Variants in GUCY1A2 observed in about 807,000 individuals in gnomAD.
GUCY1A2 encodes guanylate cyclase 1 soluble subunit alpha 2, also known as guanylate cyclase soluble subunit alpha-2.
GUCY1A2 carries 27 observed loss-of-function variants against 63.5 expected under a neutral mutation model. The observed-to-expected ratio is 0.43, with a 90% CI of 0.31 to 0.59. The LOEUF (loss-of-function observed/expected upper bound fraction) is 0.59, where lower values mean the gene tolerates loss of function less well. Ranked by LOEUF, GUCY1A2 falls within the 20% of genes least tolerant of loss-of-function variation. The pLI is 0.11. For synonymous variants in GUCY1A2, 364 were observed against 343.5 expected, an observed-to-expected ratio of 1.06 and a Z score of -0.66; for missense variants, 768 against 913.3, an observed-to-expected ratio of 0.84 and a Z score of 2.05.
chr11:107,004,879 C>T (rs1206962452), intron 1 of GUCY1A2, among the ~76,000 whole-genome samples: 1 of 152,116 alleles, frequency 6.6e-6, no homozygotes, highest in Non-Finnish European at 1.5e-5. Flanking sequence ...CAAAATGATG[C>T]TTGCTTAGCA....
rs149260304 is a variant in GUCY1A2, at chr11:106,860,870, A to C, written c.1207-50392T>G. Among the ~76,000 whole-genome samples the C allele has an allele frequency of 6.1e-3, 929 of 152,140 alleles. 3 individuals carry two copies. The highest frequency in any genetic ancestry group is 0.021 in the African/African-American group (862 of 41,536). On this transcript the variant is annotated intron_variant, in intron 4 of 7. Coordinates refer to ENST00000526355, the MANE Select transcript of GUCY1A2 (RefSeq NM_000855.3). ...ATGCAATGCCATCATAAATAGCTAA[A>C]GAATACCCATCCCAACCCTCATTTC...
chr11:106,753,773 T>C (rs1332517290), intron 6 of GUCY1A2, among the ~76,000 whole-genome samples: 1 of 152,200 alleles, frequency 6.6e-6, no homozygotes, highest in African/African-American at 2.4e-5. Context: ...TAGTATAGTT[T>C]GAAGTCAGGT....
chr11:106,813,372 T>C (rs1858789783), intron 4 of GUCY1A2, among the ~76,000 whole-genome samples: 1 of 151,980 alleles, frequency 6.6e-6, no homozygotes, highest in South Asian at 2.1e-4. Context: ...TTCATTTTAC[T>C]TTTATGCTGG....
At chr11:106,764,582 A>G (rs1864125243) in intron 6 of GUCY1A2, among the ~76,000 whole-genome samples, 1 of 152,156 alleles carries the variant, frequency 6.6e-6, no homozygotes, top group African/African-American at 2.4e-5. Flanking sequence ...CAAATATGAA[A>G]ATATGCCTAA....
At chr11:106,774,679 A>G (rs369541112) in intron 6 of GUCY1A2, among the ~76,000 whole-genome samples, 14 of 149,638 alleles carry the variant, frequency 9.4e-5, no homozygotes, top group African/African-American at 3.4e-4. Flanking sequence ...ACATCTTTCC[A>G]CTCTCTCCGC....
chr11:107,011,168 A>G (rs752845685), intron 1 of GUCY1A2, among the ~76,000 whole-genome samples: 3 of 152,220 alleles, frequency 2.0e-5, no homozygotes, highest in African/African-American at 7.2e-5. Context: ...AAGCCTGCTC[A>G]ATAGATAGCC....
intron 4 of GUCY1A2, among the ~76,000 whole-genome samples, chr11:106,925,925 G>T (rs1342920462): frequency 6.6e-6 from 1 of 152,142 alleles, no homozygotes; most frequent in East Asian, 1.9e-4. Flanking sequence ...CATTCGTTCT[G>T]GTGATAGCAA....
intron 1 of GUCY1A2, among the ~76,000 whole-genome samples, chr11:106,997,611 T>C (rs1277595229): frequency 9.7e-6 from 1 of 102,624 alleles, no homozygotes; most frequent in African/African-American, 3.3e-5. Flanking sequence ...GGAAGCAAGA[T>C]AGGGAACCCC....
At chr11:106,854,743 T>C (rs1859404347) in intron 4 of GUCY1A2, among the ~76,000 whole-genome samples, 1 of 152,110 alleles carries the variant, frequency 6.6e-6, no homozygotes, top group South Asian at 2.1e-4. Flanking sequence ...GGAGACAGTC[T>C]GCCTATGGAA....
chr11:106,867,519 C>T, intron 4 of GUCY1A2, among the ~76,000 whole-genome samples: 1 of 152,058 alleles, frequency 6.6e-6, no homozygotes, highest in East Asian at 1.9e-4. Flanking sequence ...TTAAAATTTA[C>T]TTAGACTGGC....
At chr11:106,713,736 G>C (rs1863166351) in intron 6 of GUCY1A2, among the ~76,000 whole-genome samples, 1 of 151,852 alleles carries the variant, frequency 6.6e-6, no homozygotes, top group African/African-American at 2.4e-5. Flanking sequence ...TCGATCTCCT[G>C]ACCTTGTGAT....
chr11:106,850,528 C>A (rs1051807869), intron 4 of GUCY1A2, among the ~76,000 whole-genome samples: 1 of 151,742 alleles, frequency 6.6e-6, no homozygotes, highest in Non-Finnish European at 1.5e-5. Context: ...CCCAACCTCA[C>A]CCACAATTCT....
At position 106,775,945 on chromosome 11, in the gene GUCY1A2, G is replaced by A. The variant is rs1864349831; in HGVS notation, c.1836+494C>T. Among the ~76,000 whole-genome samples, 5 of 152,176 alleles carry A rather than the reference G, an allele frequency of 3.3e-5. No individual in the cohort carries two copies. In the South Asian group the frequency reaches 1.0e-3, roughly 32 times the overall value. Reference sequence around the variant, plus strand: ...CACACCAGGATCTGGACTTTCCACTGTTTTTAAAGTTTTCACAGGCTGCAA... The same window carrying A: ...CACACCAGGATCTGGACTTTCCACTATTTTTAAAGTTTTCACAGGCTGCAA... On this transcript the variant is annotated intron_variant, in intron 6 of 7. Transcript: ENST00000526355.
chr11:106,869,411 A>G (rs2135463067), intron 4 of GUCY1A2, among the ~76,000 whole-genome samples: 1 of 152,332 alleles, frequency 6.6e-6, no homozygotes, highest in South Asian at 2.1e-4. Context: ...CAAATTTACA[A>G]GAAAAAAACA....
intron 6 of GUCY1A2, among the ~76,000 whole-genome samples, chr11:106,776,001 G>C (rs1864350828): frequency 6.6e-6 from 1 of 152,156 alleles, no homozygotes; most frequent in Admixed American, 6.5e-5. Flanking sequence ...AAAAACTCCA[G>C]AAGTAACTCT....
intron 7 of GUCY1A2, among the ~76,000 whole-genome samples, chr11:106,687,980 T>C (rs568156511): frequency 1.3e-5 from 2 of 152,310 alleles, no homozygotes; most frequent in South Asian, 4.1e-4. Context: ...AAGCTGAGTA[T>C]GGTACTACCT....
At chr11:107,013,307 G>T (rs190298170) in intron 1 of GUCY1A2, among the ~76,000 whole-genome samples, 4 of 152,046 alleles carry the variant, frequency 2.6e-5, no homozygotes, top group Non-Finnish European at 5.9e-5. Context: ...TATGACTCTA[G>T]TGGTGTATCT....
intron 4 of GUCY1A2, among the ~76,000 whole-genome samples, chr11:106,936,226 T>A (rs1299768659): frequency 6.6e-6 from 1 of 152,212 alleles, no homozygotes; most frequent in African/African-American, 2.4e-5. Context: ...AACTGCAAAC[T>A]GCTCATTAAG....
chr11:106,692,761 G>A (rs554021008), intron 7 of GUCY1A2, among the ~76,000 whole-genome samples: 1 of 152,292 alleles, frequency 6.6e-6, no homozygotes, highest in African/African-American at 2.4e-5. Context: ...ACGATAATAT[G>A]TATGGGACAG....
Sources: gnomAD v4.1 joint callset for allele counts (sites outside exome capture counted in the v4.1 genomes callset) on GRCh38, gnomAD v4.1.1 for gene constraint, MANE v1.5 for transcripts, NCBI Gene and HGNC (gene_info 2026-07-23, HGNC 2026-07-21) for gene names.